SZT2: variants seen among roughly 807,000 people sequenced by gnomAD.
SZT2 encodes KICSTOR complex protein SZT2.
Under a neutral mutation model 404.2 loss-of-function variants are expected in SZT2, and 216 were observed. The ratio of observed to expected loss-of-function variants is 0.53; its 90% CI spans 0.48 to 0.60. The LOEUF (loss-of-function observed/expected upper bound fraction) is 0.60, where lower values mean the gene tolerates loss of function less well. SZT2 is among the 20% of genes least tolerant of loss of function. SZT2 has a pLI of 0.00. For missense variants in SZT2, 3,857 were observed against 4,459.2 expected (o/e 0.86, Z 3.85); for synonymous variants, 1,693 against 1,749.9 (o/e 0.97, Z 0.81).
intron 4 of SZT2, chr1:43,409,508 A>T: frequency 2.5e-6 from 1 of 395,330 alleles, no homozygotes; most frequent in Non-Finnish European, 5.0e-6. Context: ...ATGATCTTTT[A>T]TTTGGAAAAA....
intron 1 of SZT2, 21 bp downstream of exon 1, chr1:43,390,016 G>C: frequency 7.2e-7 from 1 of 1,380,930 alleles, no homozygotes; most frequent in Non-Finnish European, 9.3e-7. Context: ...GGCGGGCGCA[G>C]CACTGGGCCC....
At chr1:43,401,517 C>T (rs943428255) in intron 1 of SZT2, among the ~76,000 whole-genome samples, 10 of 151,932 alleles carry the variant, frequency 6.6e-5, no homozygotes, top group Non-Finnish European at 1.3e-4. Context: ...GATGGAGTCT[C>T]ACTCTGTCGC....
intron 4 of SZT2, among the ~76,000 whole-genome samples, chr1:43,410,806 A>T (rs1386776149): frequency 6.6e-6 from 1 of 152,048 alleles, no homozygotes; most frequent in East Asian, 1.9e-4. Context: ...TTGACAAAGA[A>T]CATGAGTCAT....
Position 43,440,383 on chromosome 1 carries a change from T to C in SZT2, c.7211-70T>C, listed in dbSNP as rs1570708813. On this transcript the variant is annotated intron_variant, in intron 51 of 71. Transcript: ENST00000634258. ...GTGGCAAGTCACTGTCATACCAGTCTTGAGGTTCAGTTTTCTAGAATGGGG... is the reference window on the plus strand; with the variant it reads ...GTGGCAAGTCACTGTCATACCAGTCCTGAGGTTCAGTTTTCTAGAATGGGG... The C allele has an allele frequency of 2.2e-5, 33 of 1,516,576 alleles. 1 individual carries two copies. The East Asian group carries it at 7.8e-4, about 36-fold the overall frequency. 93.9% of individuals were successfully genotyped at this position (1,516,576 alleles called of 1,614,324 possible). A position where few individuals can be genotyped will look rare whatever the true frequency, so the allele number is the denominator to read the frequency against.
chr1:43,398,111 C>T (rs1649220382), intron 1 of SZT2, among the ~76,000 whole-genome samples: 1 of 152,286 alleles, frequency 6.6e-6, no homozygotes, highest in Admixed American at 6.5e-5. Context: ...ATAGCTGAAA[C>T]AGGCTGGCAT....
At chr1:43,436,893 G>A in intron 42 of SZT2, 1 of 490,724 alleles carries the variant, frequency 2.0e-6, no homozygotes, top group Non-Finnish European at 3.6e-6. Context: ...TGATCTTGAG[G>A]ATTTCCTCAT....
intron 6 of SZT2, 40 bp from the exon 7 acceptor site, chr1:43,416,492 CTGG>C (rs1651735370): frequency 6.4e-7 from 1 of 1,551,460 alleles, no homozygotes; most frequent in East Asian, 2.3e-5. Flanking sequence ...TGAGTTTGGT[CTGG>C]CCAGTGTCTC....
In SZT2 at chr1:43,443,354, T is replaced by A; in HGVS notation, c.8502T>A (p.Ala2834=). 6.2e-7 allele frequency: 1 copy of A among 1,614,162 alleles called. No homozygotes were observed. Among genetic ancestry groups the A allele is most frequent in the Non-Finnish European group, 8.5e-7 (1 of 1,180,022 alleles). ...RSTPATMPIS[A]GELETLKQSS... ...TGCTCACTGCCCTGTTTCCCCAGGC[T>A]GGAGAGCTGGAGACCCTGAAGCAGT... The change falls in exon 61 of 72, where the codon GCT becomes GCA. Residue 2834 remains alanine, a splice_region_variant and synonymous_variant. Transcript: ENST00000634258.
chr1:43,434,284 C>A (rs550385567), intron 40 of SZT2, 102 bp from the exon 41 acceptor site: 1,141 of 1,010,880 alleles, frequency 1.1e-3, no homozygotes, highest in Middle Eastern at 2.3e-3. Context: ...CTTTCTCTCC[C>A]CCTCGTGATA....
rs1272221436 is a variant in SZT2, at chr1:43,453,802, A to G, written c.*3322A>G. The stretch of plus-strand genomic sequence containing the variant: ...AAGCGCAGCGGCGCCATGCCTGGGG[A>G]GGCCGGGCCGGGCGGAGTCCGCGGG... On this transcript the variant is annotated 3_prime_UTR_variant, in exon 72 of 72. Coordinates refer to ENST00000634258, the MANE Select transcript of SZT2 (RefSeq NM_001365999.1). 6.4e-6 allele frequency: 8 copies of G among 1,256,768 alleles called. No individual in the cohort carries two copies. Among genetic ancestry groups the G allele is most frequent in the Non-Finnish European group, 8.0e-6 (8 of 1,003,732 alleles). The allele number at this position is 1,256,768 out of a possible 1,614,324, so 77.9% of individuals were successfully genotyped here.
rs772758630 is a variant in SZT2, at chr1:43,425,258, C to G, written c.2645+51C>G. 28 of 1,601,914 alleles carry G rather than the reference C, an allele frequency of 1.7e-5. No homozygotes were observed. The South Asian group carries it at 3.1e-4, about 18-fold the overall frequency. On this transcript the variant is annotated intron_variant, in intron 18 of 71. Coordinates refer to ENST00000634258, the MANE Select transcript of SZT2 (RefSeq NM_001365999.1). This position sits in a 1 kb window ranked among gnomAD's most constrained non-coding sequence, Gnocchi z 4.3. ...GCCTCTGCAGAGTCAGCCTTCTCCCCACCATCCCCTAGAGGTCTGGCTCCC... is the reference window on the plus strand; with the variant it reads ...GCCTCTGCAGAGTCAGCCTTCTCCCGACCATCCCCTAGAGGTCTGGCTCCC...
intron 1 of SZT2, among the ~76,000 whole-genome samples, chr1:43,396,411 C>T (rs1648995940): frequency 6.6e-6 from 1 of 152,176 alleles, no homozygotes; most frequent in Admixed American, 6.5e-5. Context: ...ATTTTCAAGA[C>T]AACAGATTTT....
At position 43,442,803 on chromosome 1, in the gene SZT2, A is replaced by G. The variant is rs1262561266; in HGVS notation, c.8152-16A>G. ...GGGCAAAGGCTATGAACCCATTGCA[A>G]TGCTCCATCTCTCAGGAGCCAAACC... On this transcript the variant is annotated splice_polypyrimidine_tract_variant and intron_variant, in intron 58 of 71. Transcript: ENST00000634258. This position sits in a 1 kb window ranked among gnomAD's most constrained non-coding sequence, Gnocchi z 4.5. 4 of 1,585,008 alleles carry G rather than the reference A, an allele frequency of 2.5e-6. No homozygotes were observed. The highest frequency in any genetic ancestry group is 1.2e-5 in the South Asian group (1 of 85,314).
At chr1:43,408,464 T>C (rs1012582207) in intron 4 of SZT2, among the ~76,000 whole-genome samples, 33 of 151,882 alleles carry the variant, frequency 2.2e-4, no homozygotes, top group African/African-American at 8.0e-4. Context: ...CAGGATCTTG[T>C]TATGTTGTCC....
At chr1:43,394,071 G>A (rs933272319) in intron 1 of SZT2, 6 of 985,184 alleles carry the variant, frequency 6.1e-6, no homozygotes, top group Middle Eastern at 5.2e-4. Flanking sequence ...TCAGACTCAA[G>A]GAGGATTCAT....
Position 43,453,995 on chromosome 1 carries a change from G to C in SZT2, c.*3515G>C. The stretch of plus-strand genomic sequence containing the variant: ...GTTAGCGAGAGAGGGATCACGGGGA[G>C]AGGCGAAGGGGCGGAGCGAGGGCGG... On this transcript the variant is annotated 3_prime_UTR_variant, in exon 72 of 72. Coordinates refer to ENST00000634258, the MANE Select transcript of SZT2 (RefSeq NM_001365999.1). 8.4e-7 allele frequency: 1 copy of C among 1,184,084 alleles called. No individual in the cohort carries two copies. The highest frequency in any genetic ancestry group is 4.2e-5 in the South Asian group (1 of 23,696). 73.3% of individuals were successfully genotyped at this position (1,184,084 alleles called of 1,614,324 possible).
Position 43,430,108 on chromosome 1 carries a change from G to A in SZT2, c.4401+5G>A. 1 of 1,614,082 alleles carries A rather than the reference G, an allele frequency of 6.2e-7. No individual in the cohort carries two copies. Among genetic ancestry groups the A allele is most frequent in the Non-Finnish European group, 8.5e-7 (1 of 1,180,018 alleles). On this transcript the variant is annotated splice_donor_5th_base_variant and intron_variant, in intron 30 of 71. Transcript: ENST00000634258. ...CCTCCATCCAGCAGGCGAGAAGTGA[G>A]TGGCTCTCTTCCTTACCTCTCTCGT...
In SZT2 at chr1:43,441,885, A is replaced by G. The variant is rs1209549383; in HGVS notation, c.7742+67A>G. On this transcript the variant is annotated intron_variant, in intron 55 of 71. Coordinates refer to ENST00000634258, the MANE Select transcript of SZT2 (RefSeq NM_001365999.1). The surrounding 1 kb of genome is among the most constrained non-coding windows in gnomAD (Gnocchi z 4.8). ...CTTCCTAAAAGCTGGGCCTACAGGA[A>G]GCCAAACCTGAGGAAGCTGAGCTAG... The G allele has an allele frequency of 7.5e-6, 12 of 1,600,772 alleles. No individual in the cohort carries two copies. The highest frequency in any genetic ancestry group is 1.0e-5 in the Non-Finnish European group (12 of 1,170,268).
Position 43,447,055 on chromosome 1 carries a change from T to TG in SZT2, c.9174dup (p.Leu3059AlafsTer26). 1 of 1,613,980 alleles carries TG rather than the reference T, an allele frequency of 6.2e-7. No homozygotes were observed. ...CATCTGCGCCTCGTGCATCAGCACG[T>TG]GCTAGGTGCCCATCTGGTGCTGCGG... On this transcript the variant is annotated frameshift_variant, in exon 66 of 72. Coordinates refer to ENST00000634258, the MANE Select transcript of SZT2 (RefSeq NM_001365999.1). LOFTEE classifies it high-confidence loss of function.
Sources: allele counts gnomAD v4.1 joint callset (sites outside exome capture counted in the v4.1 genomes callset), GRCh38; gene constraint gnomAD v4.1.1; non-coding constraint Gnocchi (gnomAD v3.1); transcripts MANE v1.5; gene names NCBI Gene and HGNC (gene_info 2026-07-23, HGNC 2026-07-21).